Variants in LRSAM1 observed in about 807,000 individuals in gnomAD.
The protein encoded by LRSAM1 is leucine rich repeat and sterile alpha motif containing 1.
Under a neutral mutation model 118.1 loss-of-function variants are expected in LRSAM1, and 96 were observed. That is an observed-to-expected ratio of 0.81 (90% CI 0.69 to 0.96). The LOEUF is 0.96. Among genes scored for constraint, LRSAM1 ranks in the 40% least tolerant of loss-of-function variants. LRSAM1 has a pLI of 0.00. For missense variants in LRSAM1, 804 were observed against 915.5 expected (o/e 0.88, Z 1.57); for synonymous variants, 322 against 364.2 (o/e 0.88, Z 1.32).
At position 127,478,916 on chromosome 9, in the gene LRSAM1, G is replaced by C; in HGVS notation, c.751-18G>C. 1 of 1,614,012 alleles carries C rather than the reference G, an allele frequency of 6.2e-7. No individual in the cohort carries two copies. Among genetic ancestry groups the C allele is most frequent in the Non-Finnish European group, 8.5e-7 (1 of 1,179,928 alleles). ...CTGCTGCCACCCTCTCTTGACCACT[G>C]TCTTTTTTTCCTCCCAGAACAGGTT... On this transcript the variant is annotated intron_variant, in intron 11 of 25. Transcript: ENST00000300417.
At position 127,455,173 on chromosome 9, in the gene LRSAM1, A is replaced by T. The variant is rs113268454; in HGVS notation, c.129+119A>T. On this transcript the variant is annotated intron_variant, in intron 4 of 25. Transcript: ENST00000300417. ...AGAAAGGCCAGAAGCTCTAGTCACG[A>T]GATGTTTCCTTAGATTTTGTTCTCG... is the stretch of plus-strand genomic sequence containing the variant. The T allele has an allele frequency of 3.4e-5, 34 of 1,011,642 alleles. 2 individuals are homozygous for T. In the Middle Eastern group the frequency reaches 6.1e-4, roughly 18 times the overall value. The allele number at this position is 1,011,642 out of a possible 1,614,324, so 62.7% of individuals were successfully genotyped here.
intron 6 of LRSAM1, 48 bp from the exon 7 acceptor site, chr9:127,458,955 C>T (rs1481874469): frequency 6.2e-7 from 1 of 1,604,334 alleles, no homozygotes; most frequent in Non-Finnish European, 8.5e-7. Flanking sequence ...AGCCCGGAGT[C>T]TGAGGGACTT....
At chr9:127,459,093 C>T in intron 7 of LRSAM1, 22 bp downstream of exon 7, 1 of 1,612,146 alleles carries the variant, frequency 6.2e-7, no homozygotes. Context: ...GAAACAGAAA[C>T]CCACCTCGGA....
chr9:127,478,707 A>G (rs973517857), intron 11 of LRSAM1, among the ~76,000 whole-genome samples: 4 of 152,160 alleles, frequency 2.6e-5, no homozygotes, highest in African/African-American at 7.2e-5. Context: ...CTACAGTGCC[A>G]TGCACACAGT....
Position 127,497,262 on chromosome 9 carries a change from T to C in LRSAM1, c.1840T>C (p.Ser614Pro). 2.5e-6 allele frequency: 4 copies of C among 1,613,236 alleles called. No individual in the cohort carries two copies. The South Asian group carries it at 4.4e-5, about 18-fold the overall frequency. Residue 614 changes from serine (S) to proline (P), a missense_variant, in exon 24 of 26, where the codon TCA becomes CCA. Physicochemically the swap from Ser to Pro is moderately conservative, Grantham distance 74 (BLOSUM62 -1). Coordinates refer to ENST00000300417, the MANE Select transcript of LRSAM1 (RefSeq NM_001005373.4). ...CCTTGAACTGTCACAGGTGGGCGTC[T>C]CAGAAGCTGGCCTGCAGCACGAGAT... ...SPGDLAKVGV[S>P]EAGLQHEILR...
At chr9:127,500,975 G>T in intron 24 of LRSAM1, 35 bp from the exon 25 acceptor site, 1 of 1,613,614 alleles carries the variant, frequency 6.2e-7, no homozygotes, top group Non-Finnish European at 8.5e-7. Flanking sequence ...CAGCGGAGAT[G>T]ACCCTGGCTC....
At chr9:127,490,246 T>TTTTCTTTCTTTC (rs146824383) in intron 19 of LRSAM1, among the ~76,000 whole-genome samples, 21 of 150,384 alleles carry the variant, frequency 1.4e-4, no homozygotes, top group African/African-American at 3.9e-4. Flanking sequence ...CTTTCTCTAT[T>TTTTCTTTCTTTC]TTTCTTTCTT....
chr9:127,475,865 C>G (rs996684409), intron 11 of LRSAM1, among the ~76,000 whole-genome samples: 1 of 152,050 alleles, frequency 6.6e-6, no homozygotes, highest in Non-Finnish European at 1.5e-5. Flanking sequence ...CTCAGCCTCC[C>G]GAGTAGCTGG....
rs778245433 is a variant in LRSAM1 at position 127,487,728 on chromosome 9, G to A, written c.1312G>A (p.Asp438Asn). The A allele has an allele frequency of 6.2e-7, 1 of 1,613,704 alleles. No individual in the cohort carries two copies. Among genetic ancestry groups the A allele is most frequent in the Admixed American group, 1.7e-5 (1 of 59,974 alleles). Residue 438 changes from aspartate (D) to asparagine (N), a missense_variant, in exon 18 of 26, where the codon GAT (aspartate) becomes AAT (asparagine). Physicochemically the swap from Asp to Asn is conservative, Grantham distance 23. Transcript: ENST00000300417. ...GCAGATTCTGTCGTGGCAGCAAATG[G>A]ATCAGAACAAAGCCATCAGCCAGAT... ...FQQILSWQQM[D>N]QNKAISQILQ... is the part of the protein sequence containing the mutation.
intron 10 of LRSAM1, chr9:127,470,947 C>T (rs987643571): frequency 6.6e-6 from 1 of 152,034 alleles, no homozygotes; most frequent in Non-Finnish European, 1.5e-5. Flanking sequence ...CCTTGTTCCA[C>T]TCTTTCTCCT....
At chr9:127,466,975 C>T (rs558338529) in intron 9 of LRSAM1, among the ~76,000 whole-genome samples, 40 of 152,184 alleles carry the variant, frequency 2.6e-4, no homozygotes, top group African/African-American at 9.4e-4. Flanking sequence ...CCAGTCTGGG[C>T]AATGGGAATG....
At chr9:127,477,190 A>G (rs1032477136) in intron 11 of LRSAM1, among the ~76,000 whole-genome samples, 2 of 152,162 alleles carry the variant, frequency 1.3e-5, no homozygotes, top group Non-Finnish European at 2.9e-5. Context: ...CCTGATAATG[A>G]CAGTTACACC....
chr9:127,501,168 G>A (rs374350858), intron 25 of LRSAM1, 25 bp downstream of exon 25: 91 of 1,607,014 alleles, frequency 5.7e-5, no homozygotes, highest in Non-Finnish European at 6.9e-5. Context: ...CTCCCCACCC[G>A]CCTGCCCTGC....
Position 127,451,564 on chromosome 9 carries a change from T to G in LRSAM1, c.-294T>G. The G allele has an allele frequency of 1.8e-6, 1 of 566,614 alleles. No individual in the cohort carries two copies. The highest frequency in any genetic ancestry group is 1.9e-5 in the African/African-American group (1 of 53,246). The allele number at this position is 566,614 out of a possible 1,614,324, so 35.1% of individuals were successfully genotyped here. On this transcript the variant is annotated 5_prime_UTR_variant, in exon 1 of 26. Coordinates refer to ENST00000300417, the MANE Select transcript of LRSAM1 (RefSeq NM_001005373.4). Reference sequence around the variant, plus strand: ...TGGCAAGCAGGGCACCGCGGTGCGCTGAAGCTAGAGATTCCGAAAGGGGGT... The same window carrying G: ...TGGCAAGCAGGGCACCGCGGTGCGCGGAAGCTAGAGATTCCGAAAGGGGGT...
intron 17 of LRSAM1, chr9:127,487,399 C>T (rs765667863): frequency 5.0e-5 from 20 of 399,842 alleles, no homozygotes; most frequent in Non-Finnish European, 7.2e-5. Flanking sequence ...CATCCACTTC[C>T]GGGGGGTGCT....
At chr9:127,472,655 T>TAAATAA (rs1045891650) in intron 10 of LRSAM1, among the ~76,000 whole-genome samples, 1 of 151,874 alleles carries the variant, frequency 6.6e-6, no homozygotes, top group Non-Finnish European at 1.5e-5. Flanking sequence ...AATAAATAAA[T>TAAATAA]AAATAAAAAT....
At chr9:127,480,036 G>T (rs972464052) in intron 14 of LRSAM1, 58 bp downstream of exon 14, 2 of 1,611,520 alleles carry the variant, frequency 1.2e-6, no homozygotes, top group Non-Finnish European at 1.7e-6. Flanking sequence ...GTCCCCTGAG[G>T]AGCCGGGAGG....
In LRSAM1 at chr9:127,503,083, T is replaced by A; in HGVS notation, c.*184T>A. 1.3e-6 allele frequency: 1 copy of A among 760,266 alleles called. No homozygotes were observed. Among genetic ancestry groups the A allele is most frequent in the Non-Finnish European group, 2.1e-6 (1 of 469,268 alleles). The allele number at this position is 760,266 out of a possible 1,614,324, so 47.1% of individuals were successfully genotyped here. A position where few individuals can be genotyped will look rare whatever the true frequency, so the allele number is the denominator to read the frequency against. On this transcript the variant is annotated 3_prime_UTR_variant, in exon 26 of 26. Transcript: ENST00000300417. Reference sequence around the variant, plus strand: ...TGTCTGGGCCAGGCAGAGGTGCTCCTCATCCATGACACCACCAGTCTGAAT... The same window carrying A: ...TGTCTGGGCCAGGCAGAGGTGCTCCACATCCATGACACCACCAGTCTGAAT...
In LRSAM1 at chr9:127,478,966, A is replaced by G; in HGVS notation, c.780+3A>G. On this transcript the variant is annotated splice_donor_region_variant and intron_variant, in intron 12 of 25. Coordinates refer to ENST00000300417, the MANE Select transcript of LRSAM1 (RefSeq NM_001005373.4). ...TCTCAGACTATGAGAAGAGGAAGGT[A>G]AGAAAATGCCTTTACCCTTCTGTCA... The G allele has an allele frequency of 6.2e-7, 1 of 1,613,388 alleles. No homozygotes were observed. Among genetic ancestry groups the G allele is most frequent in the Non-Finnish European group, 8.5e-7 (1 of 1,179,290 alleles).
Sources: gnomAD v4.1 joint callset for allele counts (sites outside exome capture counted in the v4.1 genomes callset) on GRCh38, gnomAD v4.1.1 for gene constraint, MANE v1.5 for transcripts, NCBI Gene and HGNC (gene_info 2026-07-23, HGNC 2026-07-21) for gene names.